OOSP4A: variants seen among roughly 807,000 people sequenced by gnomAD.
OOSP4A encodes oocyte-secreted protein 4A.
chr11:59,965,424 T>C, intron 1 of OOSP4A, 111 bp from the exon 2 acceptor site: 1 of 396,830 alleles, frequency 2.5e-6, no homozygotes, highest in Non-Finnish European at 4.4e-6. Flanking sequence ...GCAAAACATT[T>C]TCACTCTACA....
chr11:59,968,925 A>G (rs1041105398), intron 3 of OOSP4A, among the ~76,000 whole-genome samples: 9 of 152,212 alleles, frequency 5.9e-5, no homozygotes, highest in South Asian at 2.1e-4. Context: ...AGGTCACAAT[A>G]GTACATTTTG....
exon 1 of OOSP4A, chr11:59,964,074 C>T (rs768477459): frequency 1.7e-4 from 67 of 393,470 alleles, no homozygotes; most frequent in Non-Finnish European, 2.5e-4. Context: ...TCATGCTTTT[C>T]GAGTTGATTC....
rs181741616 is a variant in OOSP4A, at chr11:59,967,795, G to T, written c.344+631G>T. On this transcript the variant is annotated intron_variant, in intron 3 of 4. Transcript: ENST00000645590. ...TGAAGGTGGAGGCAATTCTGCTTGTGGTCAAATCCCTGGTTGAGCTGTTCA... is the reference window on the plus strand; with the variant it reads ...TGAAGGTGGAGGCAATTCTGCTTGTTGTCAAATCCCTGGTTGAGCTGTTCA... Among the ~76,000 whole-genome samples the T allele has an allele frequency of 1.9e-3, 288 of 152,136 alleles. 1 individual carries two copies. Among genetic ancestry groups the T allele is most frequent in the African/African-American group, 6.2e-3 (258 of 41,516 alleles).
At chr11:59,964,383 T>C (rs904478987) in intron 1 of OOSP4A, among the ~76,000 whole-genome samples, 2 of 152,066 alleles carry the variant, frequency 1.3e-5, no homozygotes, top group African/African-American at 4.8e-5. Context: ...GAGACTAGCT[T>C]GTTACTTTGC....
chr11:59,968,914 C>T (rs910370107), intron 3 of OOSP4A, among the ~76,000 whole-genome samples: 1 of 152,186 alleles, frequency 6.6e-6, no homozygotes, highest in Non-Finnish European at 1.5e-5. Context: ...AAATTGGCTT[C>T]AGGTCACAAT....
In OOSP4A at chr11:59,969,989, A is replaced by G. The variant is rs73493156; in HGVS notation, c.480-60A>G. The G allele has an allele frequency of 3.6e-3, 1,442 of 397,214 alleles. 15 individuals carry two copies. The highest frequency in any genetic ancestry group is 0.025 in the African/African-American group (1,211 of 48,688). The allele number at this position is 397,214 out of a possible 1,614,324, so 24.6% of individuals were successfully genotyped here. On this transcript the variant is annotated intron_variant, in intron 4 of 4. Transcript: ENST00000645590. The stretch of plus-strand genomic sequence containing the variant: ...CCCACTTTGTTGAGCCTCAGTGGAT[A>G]GTTAGATGGTAGTTTCCCATCAGTA...
At chr11:59,970,286 G>A (rs748553766), downstream of OOSP4A, 94 of 387,930 alleles carry the variant, frequency 2.4e-4, no homozygotes, top group African/African-American at 1.3e-3. Flanking sequence ...GTTGGGGTAG[G>A]GAGAAAAGCC....
intron 3 of OOSP4A, among the ~76,000 whole-genome samples, chr11:59,968,035 C>A (rs1290114621): frequency 6.6e-6 from 1 of 152,222 alleles, no homozygotes; most frequent in African/African-American, 2.4e-5. Flanking sequence ...AGGTCCCTAT[C>A]TCCAATGTTA....
chr11:59,969,684 G>A (rs1017660587), intron 4 of OOSP4A, among the ~76,000 whole-genome samples: 3 of 152,102 alleles, frequency 2.0e-5, no homozygotes, highest in Non-Finnish European at 4.4e-5. Flanking sequence ...ACTCAAATGA[G>A]CCATAAGAAT....
At chr11:59,969,491 A>G (rs1025509220) in intron 4 of OOSP4A, among the ~76,000 whole-genome samples, 1 of 152,254 alleles carries the variant, frequency 6.6e-6, no homozygotes, top group African/African-American at 2.4e-5. Context: ...TACATAAAAC[A>G]GATTTGCAAT....
chr11:59,966,535 G>A (rs1222676167), intron 2 of OOSP4A, among the ~76,000 whole-genome samples: 1 of 151,762 alleles, frequency 6.6e-6, no homozygotes, highest in Non-Finnish European at 1.5e-5. Flanking sequence ...GAGTGCAGCG[G>A]CACAATCTCG....
intron 2 of OOSP4A, 130 bp downstream of exon 2, chr11:59,965,843 T>C: frequency 2.5e-6 from 1 of 395,720 alleles, no homozygotes; most frequent in Non-Finnish European, 4.5e-6. Flanking sequence ...GTATTGATTA[T>C]TCTCTTCAAC....
intron 2 of OOSP4A, 95 bp downstream of exon 2, chr11:59,965,808 G>A: frequency 2.5e-6 from 1 of 396,826 alleles, no homozygotes; most frequent in Non-Finnish European, 4.4e-6. Context: ...CATTTTAATT[G>A]TCAGTTAATT....
chr11:59,964,123 G>A (rs1170702859), intron 1 of OOSP4A, 24 bp downstream of exon 1: 1 of 394,812 alleles, frequency 2.5e-6, no homozygotes, highest in African/African-American at 2.1e-5. Context: ...GGAATTTTTG[G>A]AGGTGGCAAT....
chr11:59,968,292 G>A (rs917849156), intron 3 of OOSP4A, among the ~76,000 whole-genome samples: 30 of 152,158 alleles, frequency 2.0e-4, no homozygotes, highest in Admixed American at 1.8e-3. Flanking sequence ...AGTGTATCTC[G>A]AATTATGGAT....
At position 59,965,327 on chromosome 11, in the gene OOSP4A, C is replaced by T. The variant is rs11230108; in HGVS notation, c.68-208C>T. 5.9e-3 allele frequency among the ~76,000 whole-genome samples: 897 copies of T among 152,198 alleles called. 49 individuals are homozygous for T. In the East Asian group the frequency reaches 0.13, roughly 21 times the overall value. ...AAAAAATTCTGAAGAAGTACTTCTA[C>T]GGTTTTTCCACATTCTGATGAAAAA... On this transcript the variant is annotated intron_variant, in intron 1 of 4. Transcript: ENST00000645590.
chr11:59,970,276 G>T (rs929312120), downstream of OOSP4A: 5 of 388,026 alleles, frequency 1.3e-5, no homozygotes, highest in Admixed American at 8.9e-5. Flanking sequence ...TTTATGAACC[G>T]TTGGGGTAGG....
intron 2 of OOSP4A, among the ~76,000 whole-genome samples, chr11:59,966,015 A>G (rs1854094834): frequency 6.6e-6 from 1 of 152,070 alleles, no homozygotes; most frequent in Non-Finnish European, 1.5e-5. Context: ...TTCTGGTTAA[A>G]TCTAGTTTGA....
chr11:59,965,547 G>A (rs999056801), exon 2 of OOSP4A: 1 of 398,316 alleles, frequency 2.5e-6, no homozygotes, highest in African/African-American at 2.1e-5. Flanking sequence ...TCTATAACCT[G>A]TTCTGAATCC....
Sources: allele counts gnomAD v4.1 joint callset (sites outside exome capture counted in the v4.1 genomes callset), GRCh38; gene constraint gnomAD v4.1.1; transcripts MANE v1.5; gene names NCBI Gene and HGNC (gene_info 2026-07-23, HGNC 2026-07-21).